TMC7: variants seen among roughly 807,000 people sequenced by gnomAD.
TMC7 encodes transmembrane channel-like protein 7.
A neutral mutation model predicts 82.9 loss-of-function variants in TMC7; 54 were observed. The ratio of observed to expected loss-of-function variants is 0.65; its 90% CI spans 0.52 to 0.82. The LOEUF (loss-of-function observed/expected upper bound fraction) is 0.82, where lower values mean the gene tolerates loss of function less well. TMC7 is among the 40% of genes least tolerant of loss of function. The pLI is 0.00. For missense variants in TMC7, 820 were observed against 901.2 expected (o/e 0.91, Z 1.15); for synonymous variants, 350 against 337.9 (o/e 1.04, Z -0.39).
intron 6 of TMC7, among the ~76,000 whole-genome samples, chr16:19,034,513 G>T (rs941939466): frequency 6.6e-6 from 1 of 151,070 alleles, no homozygotes; most frequent in Non-Finnish European, 1.5e-5. Context: ...CAGGAGAATC[G>T]CTTGAACCCG....
At chr16:19,054,901 C>G (rs576541107) in intron 13 of TMC7, among the ~76,000 whole-genome samples, 1 of 152,016 alleles carries the variant, frequency 6.6e-6, no homozygotes, top group South Asian at 2.1e-4. Flanking sequence ...CGTGCTGCCA[C>G]TACGCCTGGC....
chr16:19,037,531 C>T (rs1250851072), intron 7 of TMC7, among the ~76,000 whole-genome samples: 4 of 146,434 alleles, frequency 2.7e-5, no homozygotes, highest in Non-Finnish European at 4.5e-5. Flanking sequence ...AGTACAGTGA[C>T]GTGATCATAC....
intron 13 of TMC7, among the ~76,000 whole-genome samples, chr16:19,055,376 G>C (rs986841088): frequency 5.9e-5 from 9 of 151,324 alleles, no homozygotes; most frequent in African/African-American, 1.9e-4. Flanking sequence ...TTTTTTTTTG[G>C]AGATGGCATG....
In TMC7 at chr16:19,063,693, TG is replaced by T. The variant is rs1962102682; in HGVS notation, c.*1851del. The T allele has an allele frequency of 6.6e-6, 1 of 152,048 alleles. No homozygotes were observed. Among genetic ancestry groups the T allele is most frequent in the Non-Finnish European group, 1.5e-5 (1 of 68,034 alleles). The allele number at this position is 152,048 out of a possible 1,614,324, so 9.4% of individuals were successfully genotyped here. Reference sequence around the variant, plus strand: ...CTATTTGTGTGTGTGTGTGTGTGTGTGTGTGATGAACACAACGAAAACGTAC... The same window carrying T: ...CTATTTGTGTGTGTGTGTGTGTGTGTTGTGATGAACACAACGAAAACGTAC... On this transcript the variant is annotated 3_prime_UTR_variant, in exon 16 of 16. Coordinates refer to ENST00000304381, the MANE Select transcript of TMC7 (RefSeq NM_024847.4).
chr16:19,012,293 T>C (rs1237530410), intron 2 of TMC7: 1 of 152,124 alleles, frequency 6.6e-6, no homozygotes, highest in Non-Finnish European at 1.5e-5. Context: ...AAATAAATAA[T>C]GTATTTTATT....
chr16:19,017,510 C>T (rs931793893), intron 3 of TMC7, among the ~76,000 whole-genome samples: 2 of 151,346 alleles, frequency 1.3e-5, no homozygotes, highest in African/African-American at 4.9e-5. Flanking sequence ...AACAGACATA[C>T]AGTTATCATA....
chr16:19,047,037 C>T (rs1422984678), intron 11 of TMC7, 26 bp from the exon 12 acceptor site: 10 of 1,579,818 alleles, frequency 6.3e-6, no homozygotes, highest in Non-Finnish European at 8.6e-6. Context: ...ACACCAGTAG[C>T]CCAAATGAGA....
At chr16:19,048,251 C>T (rs1961376418) in intron 12 of TMC7, among the ~76,000 whole-genome samples, 1 of 151,310 alleles carries the variant, frequency 6.6e-6, no homozygotes, top group Non-Finnish European at 1.5e-5. Context: ...GCTGGAATTG[C>T]AGGTGTGAGC....
At chr16:19,047,743 C>T (rs554856589) in intron 12 of TMC7, among the ~76,000 whole-genome samples, 498 of 136,364 alleles carry the variant, frequency 3.7e-3, no homozygotes, top group Non-Finnish European at 5.3e-3. Flanking sequence ...GATAGAGTCT[C>T]GCTCTGTCAT....
chr16:19,016,574 C>T lies in TMC7; in HGVS notation c.436C>T (p.Arg146Trp), dbSNP rs752696077. Residue 146 changes from arginine (R) to tryptophan (W), a missense_variant, in exon 3 of 16, where the codon CGG becomes TGG. Arg to Trp is a moderately radical substitution (Grantham distance 101). This residue lies in a region of TMC7 where 650 missense variants were observed against 669.9 expected (regional missense o/e 0.97). Coordinates refer to ENST00000304381, the MANE Select transcript of TMC7 (RefSeq NM_024847.4). ...REMTTHLELW[R>W]EDIRSIEGKF... ...GATGACGACCCACCTGGAGCTGTGG[C>T]GGGAGGACATCCGCAGCATAGAAGG... 2.5e-6 allele frequency: 4 copies of T among 1,613,860 alleles called. No homozygotes were observed. The highest frequency in any genetic ancestry group is 1.7e-5 in the Admixed American group (1 of 60,006).
At chr16:18,987,316 T>G (rs1362692838) in intron 1 of TMC7, among the ~76,000 whole-genome samples, 2 of 151,886 alleles carry the variant, frequency 1.3e-5, no homozygotes, top group Non-Finnish European at 2.9e-5. Context: ...CTTTATTTTA[T>G]TATTATTATT....
chr16:19,023,058 A>C (rs1206087030), intron 4 of TMC7, 55 bp from the exon 5 acceptor site: 2 of 1,074,528 alleles, frequency 1.9e-6, no homozygotes, highest in East Asian at 5.1e-5. Flanking sequence ...AAAACCAGGC[A>C]GGTTATAGAG....
chr16:19,049,489 T>C (rs377020001), intron 12 of TMC7: 19 of 300,590 alleles, frequency 6.3e-5, no homozygotes, highest in Middle Eastern at 1.6e-3. Flanking sequence ...CCGTTCTACC[T>C]GGATGTTTTG....
rs915145451 is a variant in TMC7 at position 19,063,611 on chromosome 16, G to C, written c.*1768G>C. On this transcript the variant is annotated 3_prime_UTR_variant, in exon 16 of 16. Transcript: ENST00000304381. The stretch of plus-strand genomic sequence containing the variant: ...GTAATTGTAAACATTTCTGCCCAGT[G>C]CCTTTATATTTATATAACATTTTCA... 6.6e-6 allele frequency: 1 copy of C among 151,942 alleles called. No individual in the cohort carries two copies. Among genetic ancestry groups the C allele is most frequent in the African/African-American group, 2.4e-5 (1 of 41,388 alleles). The allele number at this position is 151,942 out of a possible 1,614,324, so 9.4% of individuals were successfully genotyped here.
chr16:19,047,556 C>G (rs1961337991), intron 12 of TMC7, among the ~76,000 whole-genome samples: 1 of 151,486 alleles, frequency 6.6e-6, no homozygotes, highest in Admixed American at 6.6e-5. Context: ...GCCACTGCGC[C>G]TGGCTAATTT....
Position 19,062,559 on chromosome 16 carries a change from G to T in TMC7, c.*716G>T, listed in dbSNP as rs1443864579. On this transcript the variant is annotated 3_prime_UTR_variant, in exon 16 of 16. Coordinates refer to ENST00000304381, the MANE Select transcript of TMC7 (RefSeq NM_024847.4). ...GAGAATTGCTTGAACCCAGGAGGTG[G>T]AGTTTGCAGTGAGCTGAGATCACAC... is the stretch of plus-strand genomic sequence containing the variant. 2.6e-5 allele frequency: 4 copies of T among 152,578 alleles called. No individual in the cohort carries two copies. The highest frequency in any genetic ancestry group is 4.4e-5 in the Non-Finnish European group (3 of 68,068). 9.5% of individuals were successfully genotyped at this position (152,578 alleles called of 1,614,324 possible). A position where few individuals can be genotyped will look rare whatever the true frequency, so the allele number is the denominator to read the frequency against.
Position 19,040,359 on chromosome 16 carries a change from C to A in TMC7, c.1250C>A (p.Ala417Asp), listed in dbSNP as rs1222050694. The A allele has an allele frequency of 2.5e-6, 4 of 1,613,860 alleles. No homozygotes were observed. The highest frequency in any genetic ancestry group is 3.4e-6 in the Non-Finnish European group (4 of 1,179,970). Residue 417 changes from alanine (A) to aspartate (D), a missense_variant, in exon 9 of 16, where the codon GCC becomes GAC. By Grantham distance (126) the Ala-to-Asp change is moderately radical (BLOSUM62 -2). This residue lies in a region of TMC7 where 650 missense variants were observed against 669.9 expected (regional missense o/e 0.97). Transcript: ENST00000304381. The stretch of plus-strand genomic sequence containing the variant: ...CTACCGTCTATTGTGATCACGCTGG[C>A]CAATTTTATCACCCCAATGATCTTT... Reference protein sequence around the residue: ...LYLPSIVITLANFITPMIFAK... With the variant: ...LYLPSIVITLDNFITPMIFAK...
At position 19,062,113 on chromosome 16, in the gene TMC7, T is replaced by C; in HGVS notation, c.*270T>C. ...CCAAAAACCAACAAGCCATTCAAGC[T>C]TTTACAAGAATGAAAGAGCGGAGAC... On this transcript the variant is annotated 3_prime_UTR_variant, in exon 16 of 16. Transcript: ENST00000304381. 1 of 385,276 alleles carries C rather than the reference T, an allele frequency of 2.6e-6. No homozygotes were observed. Among genetic ancestry groups the C allele is most frequent in the Non-Finnish European group, 4.6e-6 (1 of 216,382 alleles). 23.9% of individuals were successfully genotyped at this position (385,276 alleles called of 1,614,324 possible). A position where few individuals can be genotyped will look rare whatever the true frequency, so the allele number is the denominator to read the frequency against.
intron 5 of TMC7, among the ~76,000 whole-genome samples, chr16:19,028,313 TC>T (rs1960330851): frequency 6.6e-6 from 1 of 151,960 alleles, no homozygotes. Context: ...GGCTAGAGGA[TC>T]ATTTGAGCCC....
Sources: gnomAD v4.1 joint callset for allele counts (sites outside exome capture counted in the v4.1 genomes callset) on GRCh38, gnomAD v4.1.1 for gene constraint, gnomAD v4.1.1 regional missense constraint, MANE v1.5 for transcripts, NCBI Gene and HGNC (gene_info 2026-07-23, HGNC 2026-07-21) for gene names.